The following DNAJC1 variants were observed in gnomAD, a reference collection of about 807,000 sequenced individuals.
DNAJC1 encodes the protein DnaJ heat shock protein family (Hsp40) member C1, also known as dnaJ homolog subfamily C member 1.
In DNAJC1, 58 loss-of-function variants were observed where a neutral mutation model predicts 76.6. The observed-to-expected ratio is 0.76, with a 90% CI of 0.61 to 0.94. DNAJC1 has a LOEUF of 0.94. Among genes scored for constraint, DNAJC1 ranks in the 40% least tolerant of loss-of-function variants. The pLI is 0.00. For missense variants in DNAJC1, 689 were observed against 677.3 expected (o/e 1.02, Z -0.19); for synonymous variants, 258 against 267.9 (o/e 0.96, Z 0.36).
At chr10:21,769,178 T>C (rs181629591) in intron 9 of DNAJC1, among the ~76,000 whole-genome samples, 4 of 152,308 alleles carry the variant, frequency 2.6e-5, no homozygotes, top group East Asian at 1.9e-4. Context: ...AGCTATTCGA[T>C]AATACTTTAG....
intron 8 of DNAJC1, among the ~76,000 whole-genome samples, chr10:21,809,699 C>T (rs1834934836): frequency 6.6e-6 from 1 of 151,960 alleles, no homozygotes; most frequent in African/African-American, 2.4e-5. Flanking sequence ...GTTCTATAAA[C>T]ACTTTTAGTG....
At chr10:21,901,816 A>C (rs1360361080) in intron 7 of DNAJC1, among the ~76,000 whole-genome samples, 1 of 152,210 alleles carries the variant, frequency 6.6e-6, no homozygotes, top group African/African-American at 2.4e-5. Flanking sequence ...AGTAGATGGA[A>C]ATGTTATTAT....
At chr10:21,954,523 T>C (rs1018650842) in intron 1 of DNAJC1, among the ~76,000 whole-genome samples, 2 of 152,174 alleles carry the variant, frequency 1.3e-5, no homozygotes, top group African/African-American at 2.4e-5. Context: ...ACGTAATTTT[T>C]CAAATATTAA....
chr10:21,884,357 T>A (rs1178697261), intron 7 of DNAJC1, among the ~76,000 whole-genome samples: 1 of 152,088 alleles, frequency 6.6e-6, no homozygotes, highest in Non-Finnish European at 1.5e-5. Flanking sequence ...AATTAAGTAA[T>A]ACCAAGATAT....
At chr10:21,854,676 A>ATAT (rs1835807780) in intron 8 of DNAJC1, among the ~76,000 whole-genome samples, 1 of 152,184 alleles carries the variant, frequency 6.6e-6, no homozygotes, top group African/African-American at 2.4e-5. Flanking sequence ...ATTTCAAAGC[A>ATAT]ACATAGATGT....
intron 6 of DNAJC1, among the ~76,000 whole-genome samples, chr10:21,915,400 T>C (rs891582625): frequency 7.9e-5 from 12 of 152,168 alleles, no homozygotes; most frequent in Admixed American, 4.6e-4. Flanking sequence ...TGAAGAACTA[T>C]TGCTATGACA....
intron 9 of DNAJC1, among the ~76,000 whole-genome samples, chr10:21,775,101 T>C (rs1365458286): frequency 6.6e-6 from 1 of 152,196 alleles, no homozygotes; most frequent in East Asian, 1.9e-4. Flanking sequence ...CAGATCATTA[T>C]TGTCAAATAA....
chr10:21,883,062 C>A (rs1780626859), intron 7 of DNAJC1, among the ~76,000 whole-genome samples: 1 of 151,952 alleles, frequency 6.6e-6, no homozygotes, highest in African/African-American at 2.4e-5. Context: ...CCAGCCTGGG[C>A]AAAATGGCAA....
At chr10:21,849,292 CAAAAAAAAAAAAAA>C (rs33953332) in intron 8 of DNAJC1, among the ~76,000 whole-genome samples, 3 of 35,862 alleles carry the variant, frequency 8.4e-5, no homozygotes, top group Non-Finnish European at 1.4e-4. Flanking sequence ...GACTCCGCCT[CAAAAAAAAAAAAAA>C]AAAAAAAAAA....
At chr10:21,998,389 CAAAAAAA>C (rs60371730) in intron 1 of DNAJC1, among the ~76,000 whole-genome samples, 28 of 95,820 alleles carry the variant, frequency 2.9e-4, no homozygotes, top group East Asian at 8.7e-4. Context: ...GACTCCATCT[CAAAAAAA>C]AAAAAAAAAA....
chr10:21,991,091 T>C (rs1670524083), intron 1 of DNAJC1, among the ~76,000 whole-genome samples: 1 of 152,152 alleles, frequency 6.6e-6, no homozygotes, highest in South Asian at 2.1e-4. Context: ...TTCTAAATCA[T>C]TTAATTAAAG....
At chr10:21,912,742 T>C (rs761171282) in intron 6 of DNAJC1, among the ~76,000 whole-genome samples, 11 of 152,114 alleles carry the variant, frequency 7.2e-5, no homozygotes, top group Non-Finnish European at 1.6e-4. Context: ...AAATGCCTCA[T>C]AGCCTTTTAG....
intron 1 of DNAJC1, among the ~76,000 whole-genome samples, chr10:21,980,923 G>A (rs1338271857): frequency 6.6e-6 from 1 of 151,774 alleles, no homozygotes; most frequent in Non-Finnish European, 1.5e-5. Context: ...TGTATTTGTA[G>A]CTCCCCTTAA....
intron 1 of DNAJC1, among the ~76,000 whole-genome samples, chr10:22,002,917 G>A (rs1357615406): frequency 6.6e-6 from 1 of 152,066 alleles, no homozygotes; most frequent in Non-Finnish European, 1.5e-5. Flanking sequence ...ACAGCTGGAG[G>A]GGGAAGGCTC....
intron 8 of DNAJC1, among the ~76,000 whole-genome samples, chr10:21,812,935 G>C (rs568403431): frequency 2.6e-5 from 4 of 151,086 alleles, no homozygotes; most frequent in African/African-American, 9.7e-5. Context: ...TTCCACAGTG[G>C]CTAGGGCTGA....
At chr10:21,964,161 T>C (rs969608057) in intron 1 of DNAJC1, among the ~76,000 whole-genome samples, 14 of 152,342 alleles carry the variant, frequency 9.2e-5, no homozygotes, top group Admixed American at 7.8e-4. Context: ...CTTAGAATAT[T>C]TGAACTCTGA....
intron 6 of DNAJC1, among the ~76,000 whole-genome samples, chr10:21,913,185 A>C (rs956880900): frequency 2.6e-5 from 4 of 152,302 alleles, no homozygotes; most frequent in Admixed American, 2.6e-4. Flanking sequence ...ACTGGAACTT[A>C]AAAAGGTAAA....
At chr10:21,838,485 C>T (rs1222626042) in intron 8 of DNAJC1, among the ~76,000 whole-genome samples, 2 of 152,144 alleles carry the variant, frequency 1.3e-5, no homozygotes, top group Non-Finnish European at 2.9e-5. Context: ...ACAAACACTG[C>T]AGAAGGCTGC....
chr10:21,835,172 T>C (rs1459307694), intron 8 of DNAJC1, among the ~76,000 whole-genome samples: 1 of 152,078 alleles, frequency 6.6e-6, no homozygotes, highest in Non-Finnish European at 1.5e-5. Context: ...GGTTCACCAA[T>C]ATCCGCTGTT....
Sources: allele counts gnomAD v4.1 joint callset (sites outside exome capture counted in the v4.1 genomes callset), GRCh38; gene constraint gnomAD v4.1.1; transcripts MANE v1.5; gene names NCBI Gene and HGNC (gene_info 2026-07-23, HGNC 2026-07-21).